Variants in SESN1 observed in about 807,000 individuals in gnomAD.
The protein encoded by SESN1 is sestrin-1.
SESN1 carries 30 observed loss-of-function variants against 59.3 expected under a neutral mutation model. The ratio of observed to expected loss-of-function variants is 0.51; its 90% CI spans 0.38 to 0.69. The LOEUF (loss-of-function observed/expected upper bound fraction) is 0.69. SESN1 is among the 30% of genes least tolerant of loss of function. SESN1 has a pLI of 0.00. For synonymous variants in SESN1, 197 were observed against 219.9 expected (o/e 0.90, Z 0.92); for missense variants, 566 against 673.0 (o/e 0.84, Z 1.76).
intron 1 of SESN1, among the ~76,000 whole-genome samples, chr6:109,005,344 T>C (rs762615871): frequency 3.3e-5 from 5 of 152,186 alleles, no homozygotes; most frequent in Non-Finnish European, 5.9e-5. Flanking sequence ...ATGTATATAT[T>C]ATGTTATCAG....
intron 1 of SESN1, among the ~76,000 whole-genome samples, chr6:109,031,565 T>C (rs1455871229): frequency 6.6e-6 from 1 of 152,090 alleles, no homozygotes; most frequent in Non-Finnish European, 1.5e-5. Flanking sequence ...GGAGAACCCT[T>C]CCCTGACCCC....
Position 108,986,375 on chromosome 6 carries a change from T to C in SESN1, c.*1169A>G, listed in dbSNP as rs567930171. 7 of 152,728 alleles carry C rather than the reference T, an allele frequency of 4.6e-5. No individual in the cohort carries two copies. Among genetic ancestry groups the C allele is most frequent in the Middle Eastern group, 3.4e-3 (1 of 294 alleles). The allele number at this position is 152,728 out of a possible 1,614,324, so 9.5% of individuals were successfully genotyped here. Reference sequence around the variant, plus strand: ...AATGTACTTGGCTTATGAAAGTAGATAGAAACTCAAAATTATTACTAATAG... The same window carrying C: ...AATGTACTTGGCTTATGAAAGTAGACAGAAACTCAAAATTATTACTAATAG... On this transcript the variant is annotated 3_prime_UTR_variant, in exon 10 of 10. Coordinates refer to ENST00000436639, the MANE Select transcript of SESN1 (RefSeq NM_014454.3).
intron 1 of SESN1, among the ~76,000 whole-genome samples, chr6:109,073,601 A>G (rs1173807486): frequency 6.6e-6 from 1 of 152,216 alleles, no homozygotes; most frequent in Non-Finnish European, 1.5e-5. Flanking sequence ...ATTAGGAGTA[A>G]ATTTTTATTC....
Position 108,988,476 on chromosome 6 carries a change from G to C in SESN1, c.1569+67C>G, listed in dbSNP as rs1032699065. ...GATGGAAAGGGTTTCAGCACCATTA[G>C]GTTAGGTGAAGGAGACTACGAATCA... On this transcript the variant is annotated intron_variant, in intron 9 of 9. Coordinates refer to ENST00000436639, the MANE Select transcript of SESN1 (RefSeq NM_014454.3). 1.5e-5 allele frequency: 21 copies of C among 1,387,844 alleles called. No individual in the cohort carries two copies. In the African/African-American group the frequency reaches 1.6e-4, roughly 11 times the overall value. The allele number at this position is 1,387,844 out of a possible 1,614,324, so 86.0% of individuals were successfully genotyped here.
At chr6:109,055,071 T>C (rs542713208) in intron 1 of SESN1, among the ~76,000 whole-genome samples, 1 of 152,332 alleles carries the variant, frequency 6.6e-6, no homozygotes, top group East Asian at 1.9e-4. Flanking sequence ...TTTTGAGGCA[T>C]GACATCTGCT....
intron 1 of SESN1, among the ~76,000 whole-genome samples, chr6:109,005,794 G>A (rs1410821159): frequency 6.6e-6 from 1 of 152,042 alleles, no homozygotes; most frequent in Non-Finnish European, 1.5e-5. Flanking sequence ...CCAACTATGT[G>A]GGATTATAAT....
At chr6:109,049,157 T>A (rs944609650) in intron 1 of SESN1, among the ~76,000 whole-genome samples, 5 of 152,148 alleles carry the variant, frequency 3.3e-5, no homozygotes, top group African/African-American at 1.2e-4. Flanking sequence ...TGAATGGATT[T>A]TTAAAATGTG....
intron 9 of SESN1, chr6:108,988,313 C>T: frequency 2.6e-6 from 1 of 383,316 alleles, no homozygotes; most frequent in Admixed American, 4.5e-5. Flanking sequence ...GACAGCCATG[C>T]CAGCACTTCT....
At chr6:109,013,428 C>T (rs1311362077) in intron 1 of SESN1, among the ~76,000 whole-genome samples, 1 of 152,202 alleles carries the variant, frequency 6.6e-6, no homozygotes, top group East Asian at 1.9e-4. Flanking sequence ...ATGCCTCAAA[C>T]TCTTGTTTTT....
At position 109,068,499 on chromosome 6, in the gene SESN1, T is replaced by G. The variant is rs917583842; in HGVS notation, c.279+25296A>C. On this transcript the variant is annotated intron_variant, in intron 1 of 9. Coordinates refer to ENST00000436639, the MANE Select transcript of SESN1 (RefSeq NM_014454.3). The stretch of plus-strand genomic sequence containing the variant: ...TAAGTTCAGGGAACTCTCCAAGATA[T>G]AAAGTAAAAAGACAAAAAAGAAACG... Among the ~76,000 whole-genome samples the G allele has an allele frequency of 5.9e-5, 9 of 151,696 alleles. No homozygotes were observed. The East Asian group carries it at 1.7e-3, about 29-fold the overall frequency.
At chr6:109,038,121 C>T (rs1324710574) in intron 1 of SESN1, among the ~76,000 whole-genome samples, 2 of 152,154 alleles carry the variant, frequency 1.3e-5, no homozygotes, top group East Asian at 1.9e-4. Flanking sequence ...ACATTTTGTC[C>T]TGCAGCATTA....
Position 108,987,464 on chromosome 6 carries a change from G to T in SESN1, c.*80C>A. On this transcript the variant is annotated 3_prime_UTR_variant, in exon 10 of 10. Transcript: ENST00000436639. ...TTTCTGAATTATTTTGTCTACCATT[G>T]GTCCTGGGGCTTAGTACCTTCCCCC... 1.5e-6 allele frequency: 1 copy of T among 665,122 alleles called. No homozygotes were observed. The highest frequency in any genetic ancestry group is 2.6e-6 in the Non-Finnish European group (1 of 387,850). The allele number at this position is 665,122 out of a possible 1,614,324, so 41.2% of individuals were successfully genotyped here.
chr6:109,069,216 T>A (rs1780887686), intron 1 of SESN1, among the ~76,000 whole-genome samples: 1 of 151,938 alleles, frequency 6.6e-6, no homozygotes. Flanking sequence ...GAAGGGTATA[T>A]GGCATTTTCC....
chr6:109,082,503 C>T (rs1781140471), intron 1 of SESN1, among the ~76,000 whole-genome samples: 1 of 152,180 alleles, frequency 6.6e-6, no homozygotes, highest in Non-Finnish European at 1.5e-5. Context: ...TGACCATTAT[C>T]CTCCAATGCT....
At chr6:109,000,814 A>C (rs1779605772) in intron 3 of SESN1, 141 bp from the exon 4 acceptor site, 2 of 603,264 alleles carry the variant, frequency 3.3e-6, no homozygotes, top group Non-Finnish European at 5.0e-6. Flanking sequence ...TGCAGTTTTT[A>C]TATAAACATT....
In SESN1 at chr6:108,998,758, TA is replaced by T. The variant is rs1369164039; in HGVS notation, c.730-4del. ...TGCTCTTCAGCTTTTAAAAGTCCCTTAGGGGGAAAAAAAAAAAGAATATATT... is the reference window on the plus strand; with the variant it reads ...TGCTCTTCAGCTTTTAAAAGTCCCTTGGGGGAAAAAAAAAAAGAATATATT... On this transcript the variant is annotated splice_polypyrimidine_tract_variant and splice_region_variant and intron_variant, in intron 4 of 9. Coordinates refer to ENST00000436639, the MANE Select transcript of SESN1 (RefSeq NM_014454.3). 41 of 1,596,290 alleles carry T rather than the reference TA, an allele frequency of 2.6e-5. No individual in the cohort carries two copies. The highest frequency in any genetic ancestry group is 5.6e-5 in the South Asian group (5 of 88,962).
chr6:109,040,952 C>G (rs1377730413), intron 1 of SESN1, among the ~76,000 whole-genome samples: 1 of 151,798 alleles, frequency 6.6e-6, no homozygotes, highest in Non-Finnish European at 1.5e-5. Flanking sequence ...GCACCTGGCC[C>G]AAACTAGCAT....
At chr6:109,051,571 T>G (rs1411054414) in intron 1 of SESN1, among the ~76,000 whole-genome samples, 2 of 152,200 alleles carry the variant, frequency 1.3e-5, no homozygotes, top group Non-Finnish European at 2.9e-5. Flanking sequence ...TAAAAGCTTG[T>G]AGAATTACAA....
rs775846434 is a variant in SESN1, at chr6:109,094,122, A to C, written c.-49T>G. The C allele has an allele frequency of 2.3e-4, 348 of 1,525,050 alleles. 2 individuals carry two copies. Among genetic ancestry groups the C allele is most frequent in the South Asian group, 6.9e-4 (57 of 82,112 alleles). 94.5% of individuals were successfully genotyped at this position (1,525,050 alleles called of 1,614,324 possible). A position where few individuals can be genotyped will look rare whatever the true frequency, so the allele number is the denominator to read the frequency against. ...CTTCAGTTACCTTTCAGCATGCCCCAAAAAAATTGCTTTGTATTTTTAAAA... is the reference window on the plus strand; with the variant it reads ...CTTCAGTTACCTTTCAGCATGCCCCCAAAAAATTGCTTTGTATTTTTAAAA... On this transcript the variant is annotated 5_prime_UTR_variant, in exon 1 of 10. Coordinates refer to ENST00000436639, the MANE Select transcript of SESN1 (RefSeq NM_014454.3).
Sources: allele counts gnomAD v4.1 joint callset (sites outside exome capture counted in the v4.1 genomes callset), GRCh38; gene constraint gnomAD v4.1.1; transcripts MANE v1.5; gene names NCBI Gene and HGNC (gene_info 2026-07-23, HGNC 2026-07-21).